CDYL: variants seen among roughly 807,000 people sequenced by gnomAD.
CDYL encodes chromodomain Y-like protein.
CDYL carries 8 observed loss-of-function variants against 47.3 expected under a neutral mutation model. The ratio of observed to expected loss-of-function variants is 0.17; its 90% confidence interval spans 0.10 to 0.31. The LOEUF (loss-of-function observed/expected upper bound fraction) is 0.31. Ranked by LOEUF, CDYL falls within the 10% of genes least tolerant of loss-of-function variation. The pLI is 1.00. For missense variants in CDYL, 471 were observed against 701.4 expected (o/e 0.67, Z 3.71); for synonymous variants, 266 against 265.0 (o/e 1.00, Z -0.04).
intron 3 of CDYL, among the ~76,000 whole-genome samples, chr6:4,752,501 C>G (rs929171082): frequency 2.0e-5 from 3 of 152,038 alleles, no homozygotes; most frequent in Non-Finnish European, 4.4e-5. Context: ...CAGATGGGGT[C>G]GAAATCAGGA....
At chr6:4,746,360 C>CAAA (rs1157122372) in intron 3 of CDYL, among the ~76,000 whole-genome samples, 2 of 95,104 alleles carry the variant, frequency 2.1e-5, no homozygotes, top group African/African-American at 3.4e-5. Context: ...CAGACTCTCT[C>CAAA]AAAAAAAAAA....
rs181785108 is a variant in CDYL, at chr6:4,844,166, C to G, written c.25-47547C>G. ...GTACTCGGGAGTGTCTGCACAGAGTCCTGTGATGTGAACCATCTTCAGGTC... is the reference window on the plus strand; with the variant it reads ...GTACTCGGGAGTGTCTGCACAGAGTGCTGTGATGTGAACCATCTTCAGGTC... On this transcript the variant is annotated intron_variant, in intron 1 of 6. Transcript: ENST00000397588. Among the ~76,000 whole-genome samples, 8 of 152,302 alleles carry G rather than the reference C, an allele frequency of 5.3e-5. No homozygotes were observed. In the East Asian group the frequency reaches 1.2e-3, roughly 22 times the overall value.
chr6:4,837,663 T>C (rs1760361846), intron 1 of CDYL, among the ~76,000 whole-genome samples: 1 of 151,986 alleles, frequency 6.6e-6, no homozygotes, highest in Non-Finnish European at 1.5e-5. Flanking sequence ...CGAGGTTTCA[T>C]CATGTTGGTC....
At chr6:4,933,954 A>G (rs956811083) in intron 2 of CDYL, among the ~76,000 whole-genome samples, 1 of 152,256 alleles carries the variant, frequency 6.6e-6, no homozygotes, top group Non-Finnish European at 1.5e-5. Context: ...TTAGGAAAGA[A>G]CAGGAAGCTA....
At position 4,864,245 on chromosome 6, in the gene CDYL, G is replaced by T. The variant is rs547669571; in HGVS notation, c.25-27468G>T. ...ACTCTTGCTAAAAAGATCATGAAAA[G>T]ATATTCTTCAAAAAGAAAGAAATTG... On this transcript the variant is annotated intron_variant, in intron 1 of 6. Coordinates refer to ENST00000397588, the MANE Select transcript of CDYL (RefSeq NM_004824.4). Among the ~76,000 whole-genome samples, 7 of 152,272 alleles carry T rather than the reference G, an allele frequency of 4.6e-5. No homozygotes were observed. The South Asian group carries it at 1.5e-3, about 32-fold the overall frequency.
In CDYL at chr6:4,782,076, T is replaced by C. The variant is rs1012256934; in HGVS notation, c.24+5269T>C. 1.7e-3 allele frequency among the ~76,000 whole-genome samples: 231 copies of C among 135,324 alleles called. 3 individuals are homozygous for C. The highest frequency in any genetic ancestry group is 5.6e-3 in the African/African-American group (207 of 37,048). 88.8% of individuals were successfully genotyped at this position (135,324 alleles called of 152,430 possible). The stretch of plus-strand genomic sequence containing the variant: ...TGCGTGGAGGTGGGTGGGGGTGGGT[T>C]GGGGATCTGCCTGGCGGAAGAGGAG... On this transcript the variant is annotated intron_variant, in intron 1 of 6. Coordinates refer to ENST00000397588, the MANE Select transcript of CDYL (RefSeq NM_004824.4).
intron 5 of CDYL, among the ~76,000 whole-genome samples, chr6:4,947,874 G>A (rs978563490): frequency 2.0e-5 from 3 of 152,204 alleles, no homozygotes; most frequent in Non-Finnish European, 4.4e-5. Context: ...GCGGCCCTGG[G>A]AAGAGCGGTC....
intron 1 of CDYL, among the ~76,000 whole-genome samples, chr6:4,803,377 TATC>T (rs1262265631): frequency 6.6e-6 from 1 of 152,200 alleles, no homozygotes; most frequent in Non-Finnish European, 1.5e-5. Context: ...TCTTGGCTAT[TATC>T]TCAAGATTTG....
At chr6:4,915,393 A>G (rs1177726417) in intron 2 of CDYL, among the ~76,000 whole-genome samples, 1 of 152,204 alleles carries the variant, frequency 6.6e-6, no homozygotes, top group African/African-American at 2.4e-5. Flanking sequence ...GTAAACCAAA[A>G]ATAGCATTCT....
At chr6:4,785,983 C>G (rs372246456) in intron 1 of CDYL, among the ~76,000 whole-genome samples, 1 of 152,194 alleles carries the variant, frequency 6.6e-6, no homozygotes, top group African/African-American at 2.4e-5. Flanking sequence ...AAAGAAAAGG[C>G]ATATGTTGCA....
chr6:4,715,603 G>T, intron 1 of CDYL: 3 of 717,144 alleles, frequency 4.2e-6, no homozygotes, highest in Non-Finnish European at 6.6e-6. Context: ...GACATTTATT[G>T]CTTCCTCTGC....
intron 2 of CDYL, among the ~76,000 whole-genome samples, chr6:4,895,023 GTA>G (rs1311387455): frequency 6.6e-6 from 1 of 151,316 alleles, no homozygotes; most frequent in East Asian, 1.9e-4. Flanking sequence ...ATATATGTAT[GTA>G]TGTGTATATA....
chr6:4,736,931 C>G (rs1472186751), intron 3 of CDYL, among the ~76,000 whole-genome samples: 1 of 152,160 alleles, frequency 6.6e-6, no homozygotes, highest in African/African-American at 2.4e-5. Flanking sequence ...ACAAGCAACT[C>G]TGAGATGACA....
intron 2 of CDYL, among the ~76,000 whole-genome samples, chr6:4,929,027 C>G (rs73348397): frequency 0.018 from 2,738 of 152,226 alleles, 78 homozygotes; most frequent in African/African-American, 0.059. Flanking sequence ...ATTTACTGGT[C>G]TGATACTCTT....
Position 4,952,426 on chromosome 6 carries a change from CTG to C in CDYL, c.1476+19_1476+20del, listed in dbSNP as rs1334722307. ...AATCCAGTTGTATGTCTAATTGCTTCTGTTACACGTTACTTTTTAAAAAATAG... is the reference window on the plus strand; with the variant it reads ...AATCCAGTTGTATGTCTAATTGCTTCTTACACGTTACTTTTTAAAAAATAG... On this transcript the variant is annotated intron_variant, in intron 6 of 6. Coordinates refer to ENST00000397588, the MANE Select transcript of CDYL (RefSeq NM_004824.4). The C allele has an allele frequency of 6.3e-7, 1 of 1,589,556 alleles. No individual in the cohort carries two copies. Among genetic ancestry groups the C allele is most frequent in the Non-Finnish European group, 8.6e-7 (1 of 1,169,120 alleles).
intron 2 of CDYL, among the ~76,000 whole-genome samples, chr6:4,726,008 C>G (rs1208850339): frequency 1.3e-5 from 2 of 152,046 alleles, no homozygotes; most frequent in East Asian, 3.9e-4. Flanking sequence ...CTAAGGGCGA[C>G]TGAAATTTAC....
chr6:4,776,077 C>G (rs1171825122), upstream of CDYL, among the ~76,000 whole-genome samples: 2 of 150,442 alleles, frequency 1.3e-5, no homozygotes, highest in Admixed American at 6.6e-5. Context: ...GCGCCCACGT[C>G]GAGGCGGGCT....
At chr6:4,719,281 T>C (rs1757327046) in intron 2 of CDYL, among the ~76,000 whole-genome samples, 2 of 152,234 alleles carry the variant, frequency 1.3e-5, no homozygotes, top group African/African-American at 4.8e-5. Context: ...TGTATACTCT[T>C]GTGCATGTAT....
At position 4,943,770 on chromosome 6, in the gene CDYL, T is replaced by TTAAA. The variant is rs377158168; in HGVS notation, c.1332+14_1332+15insTAAA. On this transcript the variant is annotated intron_variant, in intron 5 of 6. Transcript: ENST00000397588. Reference sequence around the variant, plus strand: ...GGAGGAGCATCTGTGAGTACCTTTTTAAAAAAAAAAAAAAAAAGTCATTCT... The same window carrying TTAAA: ...GGAGGAGCATCTGTGAGTACCTTTTTTAAAAAAAAAAAAAAAAAAAAGTCATTCT... The TTAAA allele has an allele frequency of 8.5e-6, 10 of 1,172,862 alleles. No homozygotes were observed. Among genetic ancestry groups the TTAAA allele is most frequent in the South Asian group, 1.5e-5 (1 of 64,526 alleles). The allele number at this position is 1,172,862 out of a possible 1,614,324, so 72.7% of individuals were successfully genotyped here. A position where few individuals can be genotyped will look rare whatever the true frequency, so the allele number is the denominator to read the frequency against.
Sources: allele counts gnomAD v4.1 joint callset (sites outside exome capture counted in the v4.1 genomes callset), GRCh38; gene constraint gnomAD v4.1.1; transcripts MANE v1.5; gene names NCBI Gene and HGNC (gene_info 2026-07-23, HGNC 2026-07-21).